DNAH8: variants seen among roughly 807,000 people sequenced by gnomAD.
The protein encoded by DNAH8 is dynein axonemal heavy chain 8, also known as axonemal beta dynein heavy chain 8.
DNAH8 carries 382 observed loss-of-function variants against 562.1 expected under a neutral mutation model. The observed-to-expected ratio is 0.68, with a 90% CI of 0.63 to 0.74. The LOEUF is 0.74. Ranked by LOEUF, DNAH8 falls within the 30% of genes least tolerant of loss-of-function variation. The probability of loss-of-function intolerance (pLI) is 0.00; values close to 1 mark genes in which losing one functional copy is unlikely to be tolerated. For missense variants in DNAH8, 5,203 were observed against 5,620.4 expected (o/e 0.93, Z 2.37); for synonymous variants, 1,881 against 1,919.4 (o/e 0.98, Z 0.52).
chr6:38,866,668 T>C lies in DNAH8; in HGVS notation c.6576T>C (p.Pro2192=), dbSNP rs1303620857. The change falls in exon 46 of 93, where the codon CCT becomes CCC. Residue 2192 remains proline, a synonymous_variant. Transcript: ENST00000327475. ...TTAGAACTGTTGCTATGATGGTTCC[T>C]GATAGACAGGTATGCACTAGGATTT... ...IQFRTVAMMV[P]DRQIIMRVKL... 1 of 1,612,390 alleles carries C rather than the reference T, an allele frequency of 6.2e-7. No homozygotes were observed. Among genetic ancestry groups the C allele is most frequent in the South Asian group, 1.1e-5 (1 of 90,530 alleles).
chr6:39,011,005 G>A (rs553357524), intron 89 of DNAH8, among the ~76,000 whole-genome samples: 2 of 152,054 alleles, frequency 1.3e-5, no homozygotes, highest in Non-Finnish European at 2.9e-5. Flanking sequence ...GTCGGACTGC[G>A]TTAGGGACCT....
intron 41 of DNAH8, among the ~76,000 whole-genome samples, chr6:38,854,796 G>A (rs1776050806): frequency 2.0e-5 from 3 of 151,298 alleles, no homozygotes; most frequent in Non-Finnish European, 4.4e-5. Context: ...TAGGAAAGAT[G>A]ACTAGTTTTC....
chr6:38,761,643 A>G, intron 10 of DNAH8, 59 bp from the exon 11 acceptor site: 1 of 1,009,740 alleles, frequency 9.9e-7, no homozygotes, highest in East Asian at 3.1e-5. Context: ...TTTGAAATTT[A>G]TATATAAATG....
intron 36 of DNAH8, among the ~76,000 whole-genome samples, chr6:38,846,613 G>T (rs896616108): frequency 1.3e-5 from 2 of 152,152 alleles, no homozygotes; most frequent in Admixed American, 6.5e-5. Context: ...TAAAGGTCAA[G>T]GTCCTCGGAT....
intron 5 of DNAH8, among the ~76,000 whole-genome samples, chr6:38,736,369 C>G (rs1395974429): frequency 6.6e-6 from 1 of 152,134 alleles, no homozygotes; most frequent in Non-Finnish European, 1.5e-5. Context: ...TACTAAGATG[C>G]TAGTTGCCCT....
At chr6:38,975,085 G>A (rs1763587174) in intron 85 of DNAH8, among the ~76,000 whole-genome samples, 1 of 152,194 alleles carries the variant, frequency 6.6e-6, no homozygotes, top group Non-Finnish European at 1.5e-5. Flanking sequence ...AAGTGGTGGT[G>A]ATGTTGGAGG....
chr6:38,823,878 A>G (rs987164579), intron 28 of DNAH8, among the ~76,000 whole-genome samples, 190 bp downstream of exon 28: 2 of 152,110 alleles, frequency 1.3e-5, no homozygotes, highest in Non-Finnish European at 2.9e-5. Flanking sequence ...CATTAAAAGT[A>G]ATGGCAAAAA....
chr6:38,931,769 G>A, intron 75 of DNAH8, 42 bp from the exon 76 acceptor site: 1 of 1,329,848 alleles, frequency 7.5e-7, no homozygotes, highest in Non-Finnish European at 1.0e-6. Flanking sequence ...TCCTTTCCCT[G>A]CCCTTTAAGC....
At chr6:38,808,130 A>G (rs898166674) in intron 24 of DNAH8, among the ~76,000 whole-genome samples, 6 of 152,188 alleles carry the variant, frequency 3.9e-5, no homozygotes, top group Non-Finnish European at 5.9e-5. Flanking sequence ...TTACACTTCT[A>G]TGTAGTTGGA....
chr6:38,756,221 T>G (rs980923924), intron 10 of DNAH8, 142 bp downstream of exon 10: 1 of 655,756 alleles, frequency 1.5e-6, no homozygotes. Flanking sequence ...GAGAAAGGCG[T>G]TGACTGGACT....
chr6:38,859,393 AAAC>A (rs769137704), intron 42 of DNAH8, among the ~76,000 whole-genome samples: 9 of 152,204 alleles, frequency 5.9e-5, no homozygotes, highest in Admixed American at 1.3e-4. Context: ...ACCAAACAAC[AAAC>A]AACAATAGCA....
Position 38,945,559 on chromosome 6 carries a change from C to A in DNAH8, c.12100C>A (p.Leu4034Ile), listed in dbSNP as rs146505940. ...TWLNLVELSK[L>I]PQFAEIMNQI... The stretch of plus-strand genomic sequence containing the variant: ...GCTGAATCTTGTGGAGCTGAGTAAA[C>A]TTCCACAATTTGCAGAAATTATGAA... The change falls in exon 80 of 93, where the codon CTT becomes ATT. Residue 4034 changes from leucine to isoleucine, a missense_variant. Physicochemically the swap from Leu to Ile is conservative, Grantham distance 5. Around this residue, in one of 6 missense-constraint regions of DNAH8, gnomAD observed 1,399 missense variants for 1,518.4 expected, o/e 0.92. Transcript: ENST00000327475. 88 of 1,614,138 alleles carry A rather than the reference C, an allele frequency of 5.5e-5. No homozygotes were observed. Among genetic ancestry groups the A allele is most frequent in the Admixed American group, 3.5e-4 (21 of 60,022 alleles).
chr6:38,907,468 A>G (rs1344358708), intron 63 of DNAH8, among the ~76,000 whole-genome samples: 2 of 152,222 alleles, frequency 1.3e-5, no homozygotes, highest in African/African-American at 2.4e-5. Flanking sequence ...CAACCTTATC[A>G]ATTACTAATG....
At chr6:38,854,908 A>G (rs1399073125) in intron 41 of DNAH8, among the ~76,000 whole-genome samples, 1 of 149,020 alleles carries the variant, frequency 6.7e-6, no homozygotes, top group Non-Finnish European at 1.5e-5. Context: ...CATAAATACA[A>G]AGTATTTTTA....
chr6:38,957,009 A>T (rs530427414), intron 82 of DNAH8, among the ~76,000 whole-genome samples: 269 of 152,326 alleles, frequency 1.8e-3, no homozygotes, highest in Middle Eastern at 3.4e-3. Flanking sequence ...TGGATTTTTT[A>T]AAAAAGACCC....
chr6:38,931,230 T>C (rs1339893831), intron 75 of DNAH8: 1 of 152,122 alleles, frequency 6.6e-6, no homozygotes, highest in Non-Finnish European at 1.5e-5. Context: ...CCACCTGATT[T>C]TTAGATAGCA....
intron 87 of DNAH8, among the ~76,000 whole-genome samples, chr6:38,986,919 C>T (rs900458052): frequency 1.3e-5 from 2 of 152,244 alleles, no homozygotes; most frequent in Non-Finnish European, 2.9e-5. Context: ...CAAGTTGTCT[C>T]AGACTGTAAC....
At chr6:38,915,476 A>C (rs1486758544) in intron 68 of DNAH8, 99 bp downstream of exon 68, 3 of 991,184 alleles carry the variant, frequency 3.0e-6, no homozygotes, top group Non-Finnish European at 4.1e-6. Flanking sequence ...TGAATTCTTA[A>C]TGTGATTGAT....
chr6:38,918,415 A>G (rs1446518674), intron 70 of DNAH8, among the ~76,000 whole-genome samples: 1 of 152,218 alleles, frequency 6.6e-6, no homozygotes, highest in Non-Finnish European at 1.5e-5. Flanking sequence ...TCATAAGAAG[A>G]AAAACTTGCC....
Sources: gnomAD v4.1 joint callset for allele counts (sites outside exome capture counted in the v4.1 genomes callset) on GRCh38, gnomAD v4.1.1 for gene constraint, gnomAD v4.1.1 regional missense constraint, MANE v1.5 for transcripts, NCBI Gene and HGNC (gene_info 2026-07-23, HGNC 2026-07-21) for gene names.